The following CSMD1 variants were observed in gnomAD, a reference collection of about 807,000 sequenced individuals.
The protein encoded by CSMD1 is CUB and sushi domain-containing protein 1.
In CSMD1, 213 loss-of-function variants were observed where a neutral mutation model predicts 417.5. The observed-to-expected ratio is 0.51, with a 90% CI of 0.46 to 0.57. The LOEUF is 0.57. CSMD1 is among the 20% of genes least tolerant of loss of function. CSMD1 has a pLI of 0.00. For synonymous variants in CSMD1, 2,862 were observed against 1,736.8 expected (o/e 1.65, Z -16.11); for missense variants, 6,923 against 4,529.7 (o/e 1.53, Z -15.17).
At position 4,201,617 on chromosome 8, in the gene CSMD1, TATAAA is replaced by T. The variant is rs200668136; in HGVS notation, c.416-169523_416-169519del. 7.7e-3 allele frequency among the ~76,000 whole-genome samples: 920 copies of T among 120,106 alleles called. 9 individuals carry two copies. The highest frequency in any genetic ancestry group is 0.028 in the African/African-American group (892 of 32,220). The allele number at this position is 120,106 out of a possible 152,430, so 78.8% of individuals were successfully genotyped here. On this transcript the variant is annotated intron_variant, in intron 3 of 69. Transcript: ENST00000635120. Reference sequence around the variant, plus strand: ...CAACAACTGTAGAAGAAAATTGAAATATAAAATACAAATAAGCCTTTATTTACCCT... The same window carrying T: ...CAACAACTGTAGAAGAAAATTGAAATATACAAATAAGCCTTTATTTACCCT...
chr8:3,822,088 C>T (rs1389900181), intron 5 of CSMD1, among the ~76,000 whole-genome samples: 1 of 152,064 alleles, frequency 6.6e-6, no homozygotes, highest in Non-Finnish European at 1.5e-5. Context: ...CTGAAATGTC[C>T]TATGTTTTGT....
At chr8:3,208,785 G>C (rs987266185) in intron 30 of CSMD1, among the ~76,000 whole-genome samples, 1 of 152,002 alleles carries the variant, frequency 6.6e-6, no homozygotes, top group Non-Finnish European at 1.5e-5. Context: ...ATGAGAGACT[G>C]GCCTAGTCTC....
At chr8:3,775,685 A>C (rs1798854950) in intron 5 of CSMD1, among the ~76,000 whole-genome samples, 1 of 152,212 alleles carries the variant, frequency 6.6e-6, no homozygotes, top group Non-Finnish European at 1.5e-5. Context: ...ACAGTCACTG[A>C]AATAAGTTCT....
chr8:4,099,689 C>T (rs1050729166), intron 3 of CSMD1, among the ~76,000 whole-genome samples: 1 of 151,782 alleles, frequency 6.6e-6, no homozygotes, highest in African/African-American at 2.4e-5. Context: ...AACAAACAAA[C>T]AAAACCTCTT....
At chr8:4,910,674 C>A (rs1805602915) in intron 1 of CSMD1, among the ~76,000 whole-genome samples, 1 of 152,146 alleles carries the variant, frequency 6.6e-6, no homozygotes, top group Non-Finnish European at 1.5e-5. Context: ...TTGAAGGGGG[C>A]ACAAACATTC....
chr8:4,862,868 A>C (rs1409477493), intron 1 of CSMD1, among the ~76,000 whole-genome samples: 3 of 152,032 alleles, frequency 2.0e-5, no homozygotes, highest in African/African-American at 4.8e-5. Flanking sequence ...GATGTTCAGA[A>C]GTCAGGAACA....
At chr8:4,955,668 C>T (rs563539755) in intron 1 of CSMD1, among the ~76,000 whole-genome samples, 2 of 152,116 alleles carry the variant, frequency 1.3e-5, no homozygotes, top group South Asian at 2.1e-4. Flanking sequence ...ATTGGCCAGG[C>T]TGGTCTCGAA....
intron 18 of CSMD1, among the ~76,000 whole-genome samples, chr8:3,384,129 G>C (rs1389400905): frequency 2.6e-5 from 4 of 152,100 alleles, no homozygotes; most frequent in African/African-American, 4.8e-5. Flanking sequence ...TGAGCTGACA[G>C]GGACATGTTT....
At chr8:3,967,391 G>A (rs1318028608) in intron 5 of CSMD1, among the ~76,000 whole-genome samples, 2 of 151,984 alleles carry the variant, frequency 1.3e-5, no homozygotes, top group South Asian at 2.1e-4. Flanking sequence ...ATTCTCTAGG[G>A]AGGTTGTCAT....
intron 25 of CSMD1, among the ~76,000 whole-genome samples, chr8:3,301,115 G>A (rs952079512): frequency 1.3e-5 from 2 of 151,986 alleles, no homozygotes; most frequent in South Asian, 2.1e-4. Context: ...AATAATACAT[G>A]ATTTCTTCAA....
intron 1 of CSMD1, among the ~76,000 whole-genome samples, chr8:4,795,418 C>T (rs759053515): frequency 6.6e-6 from 1 of 151,356 alleles, no homozygotes; most frequent in South Asian, 2.1e-4. Flanking sequence ...ATTACAGGTA[C>T]CCAGCACCAC....
chr8:3,407,946 T>C lies in CSMD1; in HGVS notation c.2024A>G (p.Gln675Arg). Residue 675 changes from glutamine (Q) to arginine (R), a missense_variant, in exon 14 of 70, where the codon CAG (glutamine) becomes CGG (arginine). Coordinates refer to ENST00000635120, the MANE Select transcript of CSMD1 (RefSeq NM_033225.6). ...TCTGCCAGTAGTGGAATGGTCAGAC[T>C]GAAATTCCAAGCGAACTATATGCCC... ...SSGHIVRLEF[Q>R]SDHSTTGRGF... is the part of the protein sequence containing the mutation. 1.9e-6 allele frequency: 3 copies of C among 1,613,490 alleles called. No individual in the cohort carries two copies. The highest frequency in any genetic ancestry group is 2.5e-6 in the Non-Finnish European group (3 of 1,179,658).
intron 21 of CSMD1, among the ~76,000 whole-genome samples, chr8:3,356,993 C>A (rs1174612998): frequency 6.6e-6 from 1 of 151,674 alleles, no homozygotes; most frequent in African/African-American, 2.4e-5. Context: ...TTGGTGGGGT[C>A]TGGGGAGCCA....
chr8:3,343,281 G>A lies in CSMD1; in HGVS notation c.3631+13C>T, dbSNP rs748005732. On this transcript the variant is annotated intron_variant, in intron 23 of 69. Transcript: ENST00000635120. ...AATGAAAAAAGAACGTGATTAAGTC[G>A]TATGTTACTTACTGGTATAGGTGAG... 28 of 1,608,614 alleles carry A rather than the reference G, an allele frequency of 1.7e-5. No individual in the cohort carries two copies. The highest frequency in any genetic ancestry group is 1.7e-4 in the Middle Eastern group (1 of 6,058).
intron 49 of CSMD1, among the ~76,000 whole-genome samples, chr8:3,058,220 T>C (rs722049): frequency 0.46 from 69,774 of 152,062 alleles, 16,980 homozygotes; most frequent in Non-Finnish European, 0.55. Context: ...CACAAAGTTA[T>C]ATATAACTGC....
chr8:4,280,726 T>C (rs1035047158), intron 3 of CSMD1, among the ~76,000 whole-genome samples: 1 of 152,228 alleles, frequency 6.6e-6, no homozygotes, highest in African/African-American at 2.4e-5. Flanking sequence ...AAGCCATAAA[T>C]ATAATTGTAC....
At chr8:4,904,929 C>A (rs759214710) in intron 1 of CSMD1, among the ~76,000 whole-genome samples, 1 of 152,104 alleles carries the variant, frequency 6.6e-6, no homozygotes, top group Non-Finnish European at 1.5e-5. Context: ...AGAATACTGT[C>A]CAGGGCCTCT....
At chr8:4,818,505 AATAC>A (rs1479880747) in intron 1 of CSMD1, among the ~76,000 whole-genome samples, 1 of 152,218 alleles carries the variant, frequency 6.6e-6, no homozygotes, top group Non-Finnish European at 1.5e-5. Flanking sequence ...GCATACATTA[AATAC>A]ATACGTATTA....
intron 1 of CSMD1, among the ~76,000 whole-genome samples, chr8:4,824,499 G>A (rs147557627): frequency 6.6e-6 from 1 of 152,118 alleles, no homozygotes; most frequent in Non-Finnish European, 1.5e-5. Flanking sequence ...TTTTTAAACA[G>A]AGTAGTCCCA....
Sources: gnomAD v4.1 joint callset for allele counts (sites outside exome capture counted in the v4.1 genomes callset) on GRCh38, gnomAD v4.1.1 for gene constraint, MANE v1.5 for transcripts, NCBI Gene and HGNC (gene_info 2026-07-23, HGNC 2026-07-21) for gene names.